The following RFTN1 variants were observed in gnomAD, a reference collection of about 807,000 sequenced individuals.
RFTN1 encodes the protein raftlin.
A neutral mutation model predicts 46.5 loss-of-function variants in RFTN1; 26 were observed. That is an observed-to-expected ratio of 0.56 (90% CI 0.41 to 0.78). The LOEUF is 0.78. Ranked by LOEUF, RFTN1 falls within the 30% of genes least tolerant of loss-of-function variation. The pLI, the probability that RFTN1 is intolerant of heterozygous loss-of-function variation, is 0.00. For missense variants in RFTN1, 693 were observed against 718.7 expected, an observed-to-expected ratio of 0.96 and a Z score of 0.41; for synonymous variants, 261 against 284.2, an observed-to-expected ratio of 0.92 and a Z score of 0.82.
intron 2 of RFTN1, among the ~76,000 whole-genome samples, chr3:16,463,288 C>T (rs1184477822): frequency 6.6e-6 from 1 of 152,206 alleles, no homozygotes; most frequent in Admixed American, 6.5e-5. Context: ...CTCTCTGCTC[C>T]TTCTGAGACT....
rs1015964320 is a variant in RFTN1 at position 16,407,396 on chromosome 3, T to A, written c.441+1979A>T. Among the ~76,000 whole-genome samples, 2 of 152,098 alleles carry A rather than the reference T, an allele frequency of 1.3e-5. No homozygotes were observed. The highest frequency in any genetic ancestry group is 2.9e-5 in the Non-Finnish European group (2 of 68,012). ...TGGCAGAGATGGAGGTCTCACTATG[T>A]TGCCCAGTCTAATCTCAAACTCCTG... On this transcript the variant is annotated intron_variant, in intron 4 of 9. Transcript: ENST00000334133. The surrounding 1 kb of genome is among the most constrained non-coding windows in gnomAD (Gnocchi z 4.0).
At chr3:16,325,880 G>A (rs962464859) in intron 8 of RFTN1, among the ~76,000 whole-genome samples, 4 of 152,230 alleles carry the variant, frequency 2.6e-5, no homozygotes, top group African/African-American at 9.6e-5. Flanking sequence ...TGAATATGCA[G>A]TAGGGCTTGG....
At chr3:16,508,722 A>C (rs967729387) in intron 1 of RFTN1, among the ~76,000 whole-genome samples, 24 of 150,234 alleles carry the variant, frequency 1.6e-4, no homozygotes, top group South Asian at 1.0e-3. Flanking sequence ...ACACACACAC[A>C]CCCCTTTAAA....
At chr3:16,495,377 C>A (rs1249315437) in intron 1 of RFTN1, among the ~76,000 whole-genome samples, 3 of 152,256 alleles carry the variant, frequency 2.0e-5, no homozygotes, top group Non-Finnish European at 4.4e-5. Context: ...CTGTTACTCT[C>A]TGCAAAGAGC....
intron 9 of RFTN1, among the ~76,000 whole-genome samples, chr3:16,319,241 T>C (rs534117820): frequency 6.6e-6 from 1 of 152,298 alleles, no homozygotes; most frequent in East Asian, 1.9e-4. Context: ...AGTATAGTAC[T>C]CCGAGAGGCA....
At position 16,369,279 on chromosome 3, in the gene RFTN1, G is replaced by A. The variant is rs73041413; in HGVS notation, c.1030+797C>T. Among the ~76,000 whole-genome samples, 1,296 of 152,308 alleles carry A rather than the reference G, an allele frequency of 8.5e-3. 8 individuals carry two copies. The highest frequency in any genetic ancestry group is 0.015 in the South Asian group (73 of 4,826). On this transcript the variant is annotated intron_variant, in intron 6 of 9. Coordinates refer to ENST00000334133, the MANE Select transcript of RFTN1 (RefSeq NM_015150.2). ...AAACAGCTCAACAACAACACACGGC[G>A]CTGTTGATGCCCCCTGCCAGGTTTT... is the stretch of plus-strand genomic sequence containing the variant.
intron 2 of RFTN1, among the ~76,000 whole-genome samples, chr3:16,463,250 C>G (rs74906339): frequency 0.026 from 4,003 of 152,338 alleles, 95 homozygotes; most frequent in Admixed American, 0.032. Context: ...TTCCCTCCCT[C>G]AAACACTGCT....
In RFTN1 at chr3:16,409,426, G is replaced by A; in HGVS notation, c.390C>T (p.Ser130=). The A allele has an allele frequency of 6.2e-7, 1 of 1,613,864 alleles. No homozygotes were observed. ...EGYILELDCC[S]SLDHPTDQKL... is the part of the protein sequence containing the mutation. ...TCTGGTCTGTCGGGTGGTCTAAGGA[G>A]GAACAGCAATCTAATTCCAAGATGT... The change falls in exon 4 of 10, where the codon TCC becomes TCT. Residue 130 remains serine (S), a synonymous_variant. Transcript: ENST00000334133.
Position 16,351,656 on chromosome 3 carries a change from C to G in RFTN1, c.1146+6276G>C, listed in dbSNP as rs192125432. Among the ~76,000 whole-genome samples, 2 of 152,310 alleles carry G rather than the reference C, an allele frequency of 1.3e-5. No individual in the cohort carries two copies. The highest frequency in any genetic ancestry group is 3.9e-4 in the East Asian group (2 of 5,182). Reference sequence around the variant, plus strand: ...GGATGCTCATGCCCTTCTGACCTCACCAACTGAGCACTTCAGGGGTAAGCT... The same window carrying G: ...GGATGCTCATGCCCTTCTGACCTCAGCAACTGAGCACTTCAGGGGTAAGCT... On this transcript the variant is annotated intron_variant, in intron 7 of 9. Transcript: ENST00000334133. This position sits in a 1 kb window ranked among gnomAD's most constrained non-coding sequence, Gnocchi z 5.4.
intron 4 of RFTN1, among the ~76,000 whole-genome samples, chr3:16,406,567 A>G (rs915608957): frequency 4.6e-5 from 7 of 152,304 alleles, no homozygotes; most frequent in South Asian, 2.1e-4. Context: ...CTGTCTTCTT[A>G]TTTAAAAACC....
intron 8 of RFTN1, among the ~76,000 whole-genome samples, chr3:16,325,639 G>C (rs775798967): frequency 2.6e-5 from 4 of 152,250 alleles, no homozygotes; most frequent in East Asian, 1.9e-4. Flanking sequence ...TATGCCTGTC[G>C]AAGTCTTGGC....
intron 3 of RFTN1, among the ~76,000 whole-genome samples, chr3:16,412,618 C>T (rs890512258): frequency 6.6e-6 from 1 of 152,190 alleles, no homozygotes; most frequent in East Asian, 1.9e-4. Context: ...ATCCCCACCT[C>T]CTGGTGTTCA....
Position 16,380,270 on chromosome 3 carries a change from C to T in RFTN1, c.442-2168G>A. 6.6e-6 allele frequency among the ~76,000 whole-genome samples: 1 copy of T among 152,204 alleles called. No individual in the cohort carries two copies. The highest frequency in any genetic ancestry group is 1.9e-4 in the East Asian group (1 of 5,200). On this transcript the variant is annotated intron_variant, in intron 4 of 9. Coordinates refer to ENST00000334133, the MANE Select transcript of RFTN1 (RefSeq NM_015150.2). The surrounding 1 kb of genome is among the most constrained non-coding windows in gnomAD (Gnocchi z 4.8). Reference sequence around the variant, plus strand: ...AAAACACACTTATTTTGCAGTTGCACTGAAACTTAGTTTAGACATTACATA... The same window carrying T: ...AAAACACACTTATTTTGCAGTTGCATTGAAACTTAGTTTAGACATTACATA...
intron 6 of RFTN1, among the ~76,000 whole-genome samples, chr3:16,366,184 G>A (rs1236850073): frequency 4.6e-5 from 7 of 152,148 alleles, no homozygotes; most frequent in Non-Finnish European, 8.8e-5. Context: ...AGCGGCAGCA[G>A]CCTCAGTGGC....
rs1487806211 is a variant in RFTN1, at chr3:16,380,083, C to T, written c.442-1981G>A. On this transcript the variant is annotated intron_variant, in intron 4 of 9. Coordinates refer to ENST00000334133, the MANE Select transcript of RFTN1 (RefSeq NM_015150.2). The surrounding 1 kb of genome is among the most constrained non-coding windows in gnomAD (Gnocchi z 4.8). Reference sequence around the variant, plus strand: ...ATAACTGCTTCCATGGAGGGCTCAACCATAGGCCAGTCTCAACTAGAGTCA... The same window carrying T: ...ATAACTGCTTCCATGGAGGGCTCAATCATAGGCCAGTCTCAACTAGAGTCA... 6.6e-6 allele frequency among the ~76,000 whole-genome samples: 1 copy of T among 152,172 alleles called. No homozygotes were observed. Among genetic ancestry groups the T allele is most frequent in the African/African-American group, 2.4e-5 (1 of 41,430 alleles).
At chr3:16,438,024 A>G (rs1559347413) in intron 2 of RFTN1, among the ~76,000 whole-genome samples, 1 of 152,062 alleles carries the variant, frequency 6.6e-6, no homozygotes, top group Non-Finnish European at 1.5e-5. Flanking sequence ...AAACCTAAAA[A>G]TACTATCCAG....
Position 16,374,569 on chromosome 3 carries a change from G to A in RFTN1, c.826+3149C>T, listed in dbSNP as rs567619766. ...GCCAGAAACATGATTGGCATCACAC[G>A]CTTGGGTTTCTGGCTGACATTTCTA... On this transcript the variant is annotated intron_variant, in intron 5 of 9. Transcript: ENST00000334133. The surrounding 1 kb of genome is among the most constrained non-coding windows in gnomAD (Gnocchi z 5.4). Among the ~76,000 whole-genome samples the A allele has an allele frequency of 1.2e-4, 18 of 152,298 alleles. 1 individual carries two copies. The South Asian group carries it at 3.3e-3, about 28-fold the overall frequency.
At chr3:16,395,606 C>T (rs1178101966) in intron 4 of RFTN1, among the ~76,000 whole-genome samples, 3 of 152,158 alleles carry the variant, frequency 2.0e-5, no homozygotes, top group African/African-American at 7.2e-5. Flanking sequence ...CCACCATGCT[C>T]AGCTAATTTT....
At chr3:16,405,664 G>A (rs778899464) in intron 4 of RFTN1, among the ~76,000 whole-genome samples, 59 of 152,194 alleles carry the variant, frequency 3.9e-4, no homozygotes, top group African/African-American at 7.0e-4. Flanking sequence ...CCTTCTATCC[G>A]TGTCCTCTAT....
Sources: allele counts gnomAD v4.1 joint callset (sites outside exome capture counted in the v4.1 genomes callset), GRCh38; gene constraint gnomAD v4.1.1; non-coding constraint Gnocchi (gnomAD v3.1); transcripts MANE v1.5; gene names NCBI Gene and HGNC (gene_info 2026-07-23, HGNC 2026-07-21).